The following FRMPD1 variants were observed in gnomAD, a reference collection of about 807,000 sequenced individuals.
FRMPD1 encodes FERM and PDZ domain-containing protein 1.
Under a neutral mutation model 117.8 loss-of-function variants are expected in FRMPD1, and 76 were observed. That is an observed-to-expected ratio of 0.65 (90% CI 0.54 to 0.78). The LOEUF is 0.78. Ranked by LOEUF, FRMPD1 falls within the 30% of genes least tolerant of loss-of-function variation. The pLI is 0.00. For synonymous variants in FRMPD1, 783 were observed against 770.4 expected, an observed-to-expected ratio of 1.02 and a Z score of -0.27; for missense variants, 1,786 against 1,964.5, an observed-to-expected ratio of 0.91 and a Z score of 1.72.
chr9:37,637,325 A>T, the FRMPD1 span: 1 of 1,074,218 alleles, frequency 9.3e-7, no homozygotes, highest in Non-Finnish European at 1.4e-6. Flanking sequence ...AGTCGCTCCC[A>T]GTCGGCTCTG....
chr9:37,703,071 A>G (rs921709840), intron 2 of FRMPD1, among the ~76,000 whole-genome samples: 1 of 152,226 alleles, frequency 6.6e-6, no homozygotes, highest in African/African-American at 2.4e-5. Flanking sequence ...CTTGTCTTCT[A>G]GGAACTCATG....
chr9:37,707,637 C>A (rs1822762187), intron 3 of FRMPD1, 64 bp downstream of exon 3: 1 of 1,319,604 alleles, frequency 7.6e-7, no homozygotes, highest in Non-Finnish European at 1.1e-6. Context: ...CCCCAAATCT[C>A]CCCGATCTCT....
chr9:37,714,258 T>C (rs1261655964), intron 5 of FRMPD1, among the ~76,000 whole-genome samples: 1 of 152,238 alleles, frequency 6.6e-6, no homozygotes, highest in African/African-American at 2.4e-5. Flanking sequence ...GGAGAGTATC[T>C]TAATCTTAAT....
In FRMPD1 at chr9:37,729,798, A is replaced by C. The variant is rs1823784168; in HGVS notation, c.683A>C (p.Glu228Ala). ...GAGTACTTTGCACTGGCCCTGGAAG[A>C]GCAGTACAGCATCTCCCGGCTGCAC... ...SIEYFALALE[E>A]QYSISRLHLL... Residue 228 changes from glutamate to alanine, a missense_variant, in exon 8 of 16, where the codon GAG (glutamate) becomes GCG (alanine). By Grantham distance (107) the Glu-to-Ala change is moderately radical. Coordinates refer to ENST00000377765, the MANE Select transcript of FRMPD1 (RefSeq NM_014907.3). 1 of 1,613,926 alleles carries C rather than the reference A, an allele frequency of 6.2e-7. No individual in the cohort carries two copies. The highest frequency in any genetic ancestry group is 8.5e-7 in the Non-Finnish European group (1 of 1,179,846).
chr9:37,688,538 C>T (rs1822026710), intron 1 of FRMPD1, among the ~76,000 whole-genome samples: 1 of 151,960 alleles, frequency 6.6e-6, no homozygotes. Flanking sequence ...AATAATTTCA[C>T]TTCTAGGAAT....
the FRMPD1 span, among the ~76,000 whole-genome samples, chr9:37,644,538 G>A: frequency 6.6e-6 from 1 of 152,164 alleles, no homozygotes; most frequent in Admixed American, 6.5e-5. Context: ...TAAGAGAAGG[G>A]CTTGGAAGGT....
At chr9:37,721,003 G>A (rs950844175) in intron 6 of FRMPD1, among the ~76,000 whole-genome samples, 1 of 152,260 alleles carries the variant, frequency 6.6e-6, no homozygotes, top group Non-Finnish European at 1.5e-5. Context: ...AGGCACGACA[G>A]GTGTGGACAG....
chr9:37,625,944 C>G, the FRMPD1 span, among the ~76,000 whole-genome samples: 1 of 152,196 alleles, frequency 6.6e-6, no homozygotes, highest in African/African-American at 2.4e-5. Context: ...AAATGAGGGC[C>G]GGGAGCGGCG....
At chr9:37,708,597 T>A in intron 4 of FRMPD1, 96 bp downstream of exon 4, 1 of 777,212 alleles carries the variant, frequency 1.3e-6, no homozygotes, top group East Asian at 2.5e-5. Context: ...CTGATTTTAA[T>A]AAGGCTAAGT....
chr9:37,708,587 C>G, intron 4 of FRMPD1, 86 bp downstream of exon 4: 1 of 820,948 alleles, frequency 1.2e-6, no homozygotes, highest in Non-Finnish European at 2.1e-6. Context: ...AACTGATCCC[C>G]TGATTTTAAT....
chr9:37,711,809 G>A (rs1467001759), intron 5 of FRMPD1, among the ~76,000 whole-genome samples: 1 of 152,204 alleles, frequency 6.6e-6, no homozygotes, highest in Non-Finnish European at 1.5e-5. Context: ...CAAATGAGAT[G>A]TTGGATATGA....
At chr9:37,637,961 A>ATGCTTGCT in the FRMPD1 span, among the ~76,000 whole-genome samples, 305 of 76,160 alleles carry the variant, frequency 4.0e-3, 47 homozygotes, top group Middle Eastern at 6.9e-3. Flanking sequence ...AAAATGGTGT[A>ATGCTTGCT]TGCTTTCTTT....
At chr9:37,690,594 G>C (rs181908924) in intron 1 of FRMPD1, among the ~76,000 whole-genome samples, 1 of 152,320 alleles carries the variant, frequency 6.6e-6, no homozygotes, top group Non-Finnish European at 1.5e-5. Context: ...TGATCTGGCA[G>C]CAAGTTACCT....
intron 3 of FRMPD1, 145 bp from the exon 4 acceptor site, chr9:37,708,254 C>A: frequency 1.7e-6 from 1 of 605,484 alleles, no homozygotes; most frequent in Non-Finnish European, 3.0e-6. Context: ...TTAAGATCCA[C>A]ATGAGCCCAA....
At chr9:37,637,279 A>G in the FRMPD1 span, 1 of 1,574,680 alleles carries the variant, frequency 6.4e-7, no homozygotes, top group East Asian at 2.2e-5. Context: ...ACAGGCAGTC[A>G]TATCCGGGGT....
rs547810554 is a variant in FRMPD1, at chr9:37,665,400, A to G, written c.-5+14306A>G. Among the ~76,000 whole-genome samples the G allele has an allele frequency of 1.2e-4, 18 of 152,350 alleles. No individual in the cohort carries two copies. In the South Asian group the frequency reaches 2.3e-3, roughly 19 times the overall value. ...TGGAGAGCGTTGTTTGAGCGTCACT[A>G]GGTGGAAAACTAAATGAGCACATCA... On this transcript the variant is annotated intron_variant, in intron 1 of 15. Transcript: ENST00000377765.
At chr9:37,706,040 T>C (rs1819358151) in intron 2 of FRMPD1, among the ~76,000 whole-genome samples, 1 of 152,034 alleles carries the variant, frequency 6.6e-6, no homozygotes, top group African/African-American at 2.4e-5. Flanking sequence ...ATGGGCTTTA[T>C]TTAGTGTGAA....
At position 37,744,675 on chromosome 9, in the gene FRMPD1, C is replaced by T. The variant is rs1417009008; in HGVS notation, c.2643C>T (p.Ser881=). The stretch of plus-strand genomic sequence containing the variant: ...CCTACCTGGCCCTTGGTGCACCCTC[C>T]CCAACTGTGTCCTCTCTGCAGGACA... ...REPYLALGAP[S]PTVSSLQDMQ... Residue 881 remains serine, a synonymous_variant, in exon 16 of 16, where the codon TCC becomes TCT. Transcript: ENST00000377765. 1.2e-6 allele frequency: 2 copies of T among 1,613,972 alleles called. No individual in the cohort carries two copies. The highest frequency in any genetic ancestry group is 1.3e-5 in the African/African-American group (1 of 74,912).
chr9:37,704,844 A>G (rs898626150), intron 2 of FRMPD1, among the ~76,000 whole-genome samples: 1 of 148,834 alleles, frequency 6.7e-6, no homozygotes, highest in Non-Finnish European at 1.5e-5. Context: ...TTTTTTTGAT[A>G]CTTAGTGTTT....
Sources: allele counts gnomAD v4.1 joint callset (sites outside exome capture counted in the v4.1 genomes callset), GRCh38; gene constraint gnomAD v4.1.1; transcripts MANE v1.5; gene names NCBI Gene and HGNC (gene_info 2026-07-23, HGNC 2026-07-21).